ATRNL1: variants seen among roughly 807,000 people sequenced by gnomAD.
The protein encoded by ATRNL1 is attractin like 1, also known as attractin-like protein 1.
In ATRNL1, 95 loss-of-function variants were observed where a neutral mutation model predicts 182.7. The ratio of observed to expected loss-of-function variants is 0.52; its 90% confidence interval spans 0.44 to 0.62. The LOEUF is 0.62. Among genes scored for constraint, ATRNL1 ranks in the 20% least tolerant of loss-of-function variants. The pLI is 0.00. For missense variants in ATRNL1, 1,471 were observed against 1,679.5 expected, an observed-to-expected ratio of 0.88 and a Z score of 2.17; for synonymous variants, 576 against 568.3, an observed-to-expected ratio of 1.01 and a Z score of -0.19.
At chr10:115,320,923 T>C (rs1393866713) in intron 18 of ATRNL1, among the ~76,000 whole-genome samples, 1 of 152,156 alleles carries the variant, frequency 6.6e-6, no homozygotes, top group African/African-American at 2.4e-5. Context: ...TGGAGAGATG[T>C]TGTGATCATT....
At position 115,593,335 on chromosome 10, in the gene ATRNL1, C is replaced by G. The variant is rs530889556; in HGVS notation, c.3795+43799C>G. On this transcript the variant is annotated intron_variant, in intron 26 of 28. Coordinates refer to ENST00000355044, the MANE Select transcript of ATRNL1 (RefSeq NM_207303.4). ...AAGCCGAGGTATCTCACATCCTAAT[C>G]CCAAAATCTATACAAAACTACAATA... 2.0e-4 allele frequency among the ~76,000 whole-genome samples: 31 copies of G among 152,252 alleles called. No homozygotes were observed. In the South Asian group the frequency reaches 6.2e-3, roughly 31 times the overall value.
intron 7 of ATRNL1, among the ~76,000 whole-genome samples, chr10:115,166,205 G>A (rs529565244): frequency 1.3e-5 from 2 of 152,132 alleles, no homozygotes; most frequent in South Asian, 4.2e-4. Flanking sequence ...TATCTTCAAG[G>A]ATCATCCATG....
intron 26 of ATRNL1, among the ~76,000 whole-genome samples, chr10:115,662,019 A>G (rs1042584053): frequency 1.3e-5 from 2 of 150,808 alleles, no homozygotes; most frequent in African/African-American, 4.9e-5. Context: ...ATGAGTGAGA[A>G]CATGCAGTGT....
At chr10:115,877,955 A>G (rs1429267921) in intron 28 of ATRNL1, among the ~76,000 whole-genome samples, 2 of 152,178 alleles carry the variant, frequency 1.3e-5, no homozygotes, top group Non-Finnish European at 2.9e-5. Context: ...GGAAGCAAAT[A>G]GTGTCTCAGT....
intron 26 of ATRNL1, among the ~76,000 whole-genome samples, chr10:115,682,564 A>G (rs1370306010): frequency 6.6e-6 from 1 of 151,674 alleles, no homozygotes; most frequent in Non-Finnish European, 1.5e-5. Flanking sequence ...AAACAAACAA[A>G]AAGGAATATG....
Position 115,337,573 on chromosome 10 carries a change from C to G in ATRNL1, c.3175+3154C>G, listed in dbSNP as rs376684858. Reference sequence around the variant, plus strand: ...ACCCTTCCCAGCCTCTGGTAACCATCCTTTTACTGTCTATGTTCATGAATT... The same window carrying G: ...ACCCTTCCCAGCCTCTGGTAACCATGCTTTTACTGTCTATGTTCATGAATT... On this transcript the variant is annotated intron_variant, in intron 19 of 28. Transcript: ENST00000355044. Among the ~76,000 whole-genome samples the G allele has an allele frequency of 6.8e-4, 104 of 152,192 alleles. 2 individuals are homozygous for G. In the South Asian group the frequency reaches 0.021, roughly 31 times the overall value.
At chr10:115,367,120 A>G (rs2134178866) in intron 19 of ATRNL1, among the ~76,000 whole-genome samples, 1 of 89,002 alleles carries the variant, frequency 1.1e-5, no homozygotes, top group Admixed American at 9.6e-5. Flanking sequence ...GTGTTTTCCA[A>G]CTTGGTTCCA....
At chr10:115,788,407 C>A (rs1414428609) in intron 27 of ATRNL1, among the ~76,000 whole-genome samples, 3 of 146,536 alleles carry the variant, frequency 2.0e-5, no homozygotes, top group African/African-American at 8.2e-5. Flanking sequence ...AAAGCCTCAA[C>A]TTCTGTTCAG....
intron 28 of ATRNL1, among the ~76,000 whole-genome samples, chr10:115,888,840 T>G (rs7917409): frequency 0.079 from 12,063 of 152,176 alleles, 1,431 homozygotes; most frequent in African/African-American, 0.26. Context: ...CCACAAAGCA[T>G]GGAGAGGCCT....
intron 28 of ATRNL1, among the ~76,000 whole-genome samples, chr10:115,905,915 A>T (rs1055710492): frequency 2.0e-5 from 3 of 152,228 alleles, no homozygotes; most frequent in Non-Finnish European, 4.4e-5. Context: ...TCAAGCTTCT[A>T]TATCAGCTTA....
intron 24 of ATRNL1, among the ~76,000 whole-genome samples, chr10:115,501,797 A>C (rs1194095136): frequency 6.6e-6 from 1 of 152,216 alleles, no homozygotes; most frequent in East Asian, 1.9e-4. Flanking sequence ...TACTGTAGTC[A>C]TCTATTAGTT....
chr10:115,669,422 C>G (rs1945625274), intron 26 of ATRNL1, among the ~76,000 whole-genome samples: 1 of 152,046 alleles, frequency 6.6e-6, no homozygotes, highest in Admixed American at 6.6e-5. Context: ...TTCATTGCAG[C>G]TATAATAAAT....
At chr10:115,291,821 T>G (rs1554920935) in intron 15 of ATRNL1, among the ~76,000 whole-genome samples, 2 of 151,540 alleles carry the variant, frequency 1.3e-5, no homozygotes, top group African/African-American at 4.8e-5. Flanking sequence ...TTTTTTTTTT[T>G]TTTTTTTTTA....
At chr10:115,137,631 G>C (rs1845574578) in intron 5 of ATRNL1, among the ~76,000 whole-genome samples, 1 of 152,172 alleles carries the variant, frequency 6.6e-6, no homozygotes, top group South Asian at 2.1e-4. Context: ...ATCAGATCTT[G>C]TGAGTCTTAT....
intron 28 of ATRNL1, among the ~76,000 whole-genome samples, chr10:115,853,118 G>A (rs1951096406): frequency 6.6e-6 from 1 of 152,118 alleles, no homozygotes; most frequent in Non-Finnish European, 1.5e-5. Flanking sequence ...CCACTGCACA[G>A]TTTAATACTA....
At chr10:115,412,724 A>G (rs1845204408) in intron 20 of ATRNL1, among the ~76,000 whole-genome samples, 1 of 152,228 alleles carries the variant, frequency 6.6e-6, no homozygotes, top group African/African-American at 2.4e-5. Flanking sequence ...GACTTTTCCT[A>G]GAACAGAGCA....
At chr10:115,711,843 A>G (rs1044181299) in intron 26 of ATRNL1, among the ~76,000 whole-genome samples, 11 of 152,330 alleles carry the variant, frequency 7.2e-5, no homozygotes, top group South Asian at 4.1e-4. Flanking sequence ...GTAAAGATAC[A>G]TCAGTAATAA....
intron 26 of ATRNL1, among the ~76,000 whole-genome samples, chr10:115,622,023 G>A (rs1177671527): frequency 6.6e-6 from 1 of 152,148 alleles, no homozygotes; most frequent in Non-Finnish European, 1.5e-5. Context: ...GGAGAGCAGA[G>A]GGCTCAGGTG....
chr10:115,189,654 G>A (rs1157344016), intron 8 of ATRNL1, among the ~76,000 whole-genome samples: 1 of 152,066 alleles, frequency 6.6e-6, no homozygotes, highest in Non-Finnish European at 1.5e-5. Context: ...GTTTTAGGCT[G>A]TTATTACAGA....
Sources: gnomAD v4.1 joint callset for allele counts (sites outside exome capture counted in the v4.1 genomes callset) on GRCh38, gnomAD v4.1.1 for gene constraint, MANE v1.5 for transcripts, NCBI Gene and HGNC (gene_info 2026-07-23, HGNC 2026-07-21) for gene names.